Variants in AFAP1 observed in about 807,000 individuals in gnomAD.
AFAP1 encodes actin filament-associated protein 1.
A neutral mutation model predicts 93.9 loss-of-function variants in AFAP1; 75 were observed. The observed-to-expected ratio is 0.80, with a 90% CI of 0.66 to 0.97. The LOEUF is 0.97. Ranked by LOEUF, AFAP1 falls within the 50% of genes least tolerant of loss-of-function variation. AFAP1 has a pLI of 0.00. For missense variants in AFAP1, 1,201 were observed against 1,050.8 expected (o/e 1.14, Z -1.98); for synonymous variants, 517 against 430.7 (o/e 1.20, Z -2.48).
rs753037145 is a variant in AFAP1, at chr4:7,800,576, T to G, written c.1132A>C (p.Lys378Gln). ...TGGGTCTTCAGGTCGGTCCTGTCCT[T>G]GTGGAAAATGAGCTTGTTATCTTTC... Reference protein sequence around the residue: ...RVKDNKLIFHKDRTDLKTHIV... With the variant: ...RVKDNKLIFHQDRTDLKTHIV... The change falls in exon 10 of 18, where the codon AAG (lysine) becomes CAG (glutamine). Residue 378 changes from lysine (K) to glutamine (Q), a missense_variant. By Grantham distance (53) the Lys-to-Gln change is moderately conservative (BLOSUM62 1). Transcript: ENST00000420658. The G allele has an allele frequency of 9.3e-6, 15 of 1,614,088 alleles. No individual in the cohort carries two copies. The highest frequency in any genetic ancestry group is 1.3e-5 in the African/African-American group (1 of 74,946).
intron 1 of AFAP1, among the ~76,000 whole-genome samples, chr4:7,913,711 T>A (rs898360671): frequency 6.6e-6 from 1 of 152,348 alleles, no homozygotes; most frequent in East Asian, 1.9e-4. Flanking sequence ...TGTGACTGTA[T>A]CTAAAGCAAG....
At chr4:7,830,944 A>G (rs1053210302) in intron 6 of AFAP1, among the ~76,000 whole-genome samples, 1 of 152,200 alleles carries the variant, frequency 6.6e-6, no homozygotes, top group Non-Finnish European at 1.5e-5. Flanking sequence ...AAATTCAGAT[A>G]AAAGTCGCCT....
chr4:7,920,394 C>T (rs1202216483), intron 1 of AFAP1, among the ~76,000 whole-genome samples: 1 of 152,162 alleles, frequency 6.6e-6, no homozygotes, highest in Non-Finnish European at 1.5e-5. Flanking sequence ...TTATTGTGCG[C>T]TAACTTTTTG....
intron 6 of AFAP1, among the ~76,000 whole-genome samples, chr4:7,836,326 C>G (rs933362420): frequency 6.6e-6 from 1 of 152,220 alleles, no homozygotes; most frequent in African/African-American, 2.4e-5. Flanking sequence ...AGCCCAAGTA[C>G]TGTAAGAGCC....
intron 1 of AFAP1, among the ~76,000 whole-genome samples, chr4:7,922,733 C>T (rs1317419121): frequency 6.6e-6 from 1 of 152,222 alleles, no homozygotes; most frequent in Non-Finnish European, 1.5e-5. Flanking sequence ...CCTGTAATCC[C>T]AGCGCTTTCA....
chr4:7,897,974 CCAA>C (rs1718887107), intron 1 of AFAP1, among the ~76,000 whole-genome samples: 1 of 152,166 alleles, frequency 6.6e-6, no homozygotes, highest in Non-Finnish European at 1.5e-5. Flanking sequence ...GTTACTCAGG[CCAA>C]AATCCTTGAC....
intron 1 of AFAP1, among the ~76,000 whole-genome samples, chr4:7,919,739 C>G (rs1048047145): frequency 6.6e-6 from 1 of 152,036 alleles, no homozygotes; most frequent in East Asian, 1.9e-4. Context: ...AACCCATCAC[C>G]TAGGTATTGA....
intron 4 of AFAP1, among the ~76,000 whole-genome samples, chr4:7,850,072 T>C (rs1056624665): frequency 1.3e-5 from 2 of 151,980 alleles, no homozygotes; most frequent in Admixed American, 1.3e-4. Context: ...CACGAGAAGG[T>C]TGTGAATAGA....
chr4:7,786,348 A>C (rs375936143), intron 11 of AFAP1, 37 bp from the exon 12 acceptor site: 14 of 1,524,860 alleles, frequency 9.2e-6, no homozygotes, highest in Non-Finnish European at 1.3e-5. Context: ...CCATAACCTG[A>C]CCACCTTTTA....
chr4:7,877,630 C>T (rs756651578), intron 1 of AFAP1, among the ~76,000 whole-genome samples: 10 of 152,188 alleles, frequency 6.6e-5, no homozygotes, highest in Non-Finnish European at 1.3e-4. Context: ...ATAGCTAGAA[C>T]ATAAATAACA....
intron 10 of AFAP1, among the ~76,000 whole-genome samples, chr4:7,796,063 G>C (rs1158502563): frequency 2.0e-5 from 3 of 152,118 alleles, no homozygotes; most frequent in Admixed American, 6.5e-5. Flanking sequence ...ACGTGTGAAT[G>C]TGTGTGTATG....
In AFAP1 at chr4:7,885,957, T is replaced by C. The variant is rs139743523; in HGVS notation, c.-2-13877A>G. On this transcript the variant is annotated intron_variant, in intron 1 of 17. Coordinates refer to ENST00000420658, the MANE Select transcript of AFAP1 (RefSeq NM_001134647.2). Reference sequence around the variant, plus strand: ...GTGTTCGAGCATGGTCCTTGCATATTTTCCCTTATAGGGTTACAGCTCAGA... The same window carrying C: ...GTGTTCGAGCATGGTCCTTGCATATCTTCCCTTATAGGGTTACAGCTCAGA... Among the ~76,000 whole-genome samples the C allele has an allele frequency of 2.3e-3, 345 of 152,302 alleles. 3 individuals carry two copies. The highest frequency in any genetic ancestry group is 2.5e-3 in the Non-Finnish European group (167 of 68,006).
chr4:7,803,062 A>T (rs559410837), intron 9 of AFAP1, among the ~76,000 whole-genome samples: 1 of 152,204 alleles, frequency 6.6e-6, no homozygotes, highest in East Asian at 1.9e-4. Context: ...TAGAGTAACC[A>T]CTCATGCTGA....
intron 1 of AFAP1, among the ~76,000 whole-genome samples, chr4:7,888,754 C>A (rs2149204239): frequency 6.6e-6 from 1 of 152,184 alleles, no homozygotes; most frequent in East Asian, 1.9e-4. Flanking sequence ...TAACACACCT[C>A]ATGAACACAG....
intron 6 of AFAP1, among the ~76,000 whole-genome samples, chr4:7,829,811 A>G (rs1435422262): frequency 6.6e-6 from 1 of 152,240 alleles, no homozygotes; most frequent in East Asian, 1.9e-4. Context: ...CCTTAGCTAT[A>G]CATCAAAATT....
intron 16 of AFAP1, among the ~76,000 whole-genome samples, chr4:7,769,332 C>T (rs995806734): frequency 1.6e-4 from 25 of 152,164 alleles, no homozygotes; most frequent in Non-Finnish European, 2.9e-4. Flanking sequence ...CAGCTGCTGC[C>T]GCCTCTAGCT....
At chr4:7,871,096 G>A (rs550515620) in intron 2 of AFAP1, among the ~76,000 whole-genome samples, 77 of 152,196 alleles carry the variant, frequency 5.1e-4, no homozygotes, top group African/African-American at 1.8e-3. Flanking sequence ...TGCTTCTCAG[G>A]TGCTCTCATA....
intron 1 of AFAP1, among the ~76,000 whole-genome samples, chr4:7,875,479 CA>C (rs1430252344): frequency 6.6e-6 from 1 of 152,018 alleles, no homozygotes; most frequent in Non-Finnish European, 1.5e-5. Flanking sequence ...ATGGACGAGG[CA>C]TGTTGGCTCA....
intron 6 of AFAP1, among the ~76,000 whole-genome samples, chr4:7,822,586 C>CTTTTTTTT (rs5855982): frequency 6.8e-5 from 9 of 132,568 alleles, no homozygotes; most frequent in African/African-American, 1.5e-4. Context: ...TTTCTTTTTT[C>CTTTTTTTT]TTTTTTTTTT....
Sources: gnomAD v4.1 joint callset for allele counts (sites outside exome capture counted in the v4.1 genomes callset) on GRCh38, gnomAD v4.1.1 for gene constraint, MANE v1.5 for transcripts, NCBI Gene and HGNC (gene_info 2026-07-23, HGNC 2026-07-21) for gene names.